PDE5A: variants seen among roughly 807,000 people sequenced by gnomAD.
PDE5A encodes phosphodiesterase 5A.
A neutral mutation model predicts 110.2 loss-of-function variants in PDE5A; 67 were observed. The ratio of observed to expected loss-of-function variants is 0.61; its 90% CI spans 0.50 to 0.75. PDE5A has a LOEUF of 0.75. Ranked by LOEUF, PDE5A falls within the 30% of genes least tolerant of loss-of-function variation. The pLI is 0.00. For missense variants in PDE5A, 862 were observed against 1,045.1 expected, an observed-to-expected ratio of 0.82 and a Z score of 2.42; for synonymous variants, 328 against 351.2, an observed-to-expected ratio of 0.93 and a Z score of 0.74.
At chr4:119,581,718 C>T (rs1031747610) in intron 3 of PDE5A, among the ~76,000 whole-genome samples, 7 of 152,114 alleles carry the variant, frequency 4.6e-5, no homozygotes, top group Non-Finnish European at 8.8e-5. Flanking sequence ...TGTAGGCATG[C>T]CTCAGAGATA....
chr4:119,520,477 T>C (rs1036756780), intron 13 of PDE5A, among the ~76,000 whole-genome samples: 1 of 152,054 alleles, frequency 6.6e-6, no homozygotes, highest in African/African-American at 2.4e-5. Context: ...AAACAGTACT[T>C]ACAAAATTTA....
intron 3 of PDE5A, among the ~76,000 whole-genome samples, chr4:119,575,964 T>C (rs1728324707): frequency 6.6e-6 from 1 of 152,096 alleles, no homozygotes; most frequent in South Asian, 2.1e-4. Context: ...GAGACATACA[T>C]AGGCTCAAAA....
rs1415238747 is a variant in PDE5A at position 119,496,868 on chromosome 4, A to G, written c.*1733T>C. ...AATACAAGTATACAATACATATAGC[A>G]TTAAACAGTTGGTAACTTCCTAGAT... is the stretch of plus-strand genomic sequence containing the variant. On this transcript the variant is annotated 3_prime_UTR_variant, in exon 21 of 21. Transcript: ENST00000354960. The G allele has an allele frequency of 1.3e-5, 2 of 152,582 alleles. No individual in the cohort carries two copies. Among genetic ancestry groups the G allele is most frequent in the African/African-American group, 4.8e-5 (2 of 41,464 alleles). 9.5% of individuals were successfully genotyped at this position (152,582 alleles called of 1,614,324 possible). A position where few individuals can be genotyped will look rare whatever the true frequency, so the allele number is the denominator to read the frequency against.
chr4:119,524,716 T>C (rs974201577), intron 12 of PDE5A, among the ~76,000 whole-genome samples: 1 of 152,142 alleles, frequency 6.6e-6, no homozygotes, highest in Admixed American at 6.6e-5. Context: ...AGGAAATCTG[T>C]ACAAGGAGAC....
chr4:119,585,841 A>AT (rs201154418), intron 3 of PDE5A, among the ~76,000 whole-genome samples: 475 of 152,194 alleles, frequency 3.1e-3, no homozygotes, highest in African/African-American at 0.011. Context: ...CTCCTTGCTC[A>AT]TTTTTTCTCA....
At chr4:119,552,436 C>G (rs1294580719) in intron 9 of PDE5A, 114 bp downstream of exon 9, 6 of 426,162 alleles carry the variant, frequency 1.4e-5, no homozygotes, top group Admixed American at 4.5e-5. Flanking sequence ...TTCTATCATT[C>G]CAAATTTTAT....
intron 19 of PDE5A, among the ~76,000 whole-genome samples, chr4:119,501,955 C>T (rs779653455): frequency 6.6e-6 from 1 of 151,040 alleles, no homozygotes; most frequent in African/African-American, 2.4e-5. Flanking sequence ...TGATAAACAT[C>T]TATGATAGAT....
chr4:119,610,241 G>T (rs1351462272), intron 1 of PDE5A, among the ~76,000 whole-genome samples: 1 of 152,138 alleles, frequency 6.6e-6, no homozygotes, highest in Non-Finnish European at 1.5e-5. Context: ...CCCCAGAATT[G>T]CACTAATAGT....
At chr4:119,559,807 A>G (rs1727681823) in intron 7 of PDE5A, among the ~76,000 whole-genome samples, 1 of 152,188 alleles carries the variant, frequency 6.6e-6, no homozygotes, top group South Asian at 2.1e-4. Flanking sequence ...AAGGTCAGCA[A>G]TTCAATTATG....
chr4:119,625,041 C>T (rs1051130840), intron 1 of PDE5A, among the ~76,000 whole-genome samples: 2 of 147,220 alleles, frequency 1.4e-5, no homozygotes, highest in East Asian at 2.0e-4. Context: ...GATGGAGTCT[C>T]ACTCTGTTGC....
At chr4:119,572,758 G>C (rs1195577412) in intron 3 of PDE5A, among the ~76,000 whole-genome samples, 1 of 152,162 alleles carries the variant, frequency 6.6e-6, no homozygotes, top group East Asian at 1.9e-4. Flanking sequence ...GTTCTCAGAT[G>C]ATTACAAATG....
At chr4:119,568,146 T>A (rs193276029) in intron 3 of PDE5A, among the ~76,000 whole-genome samples, 230 of 152,202 alleles carry the variant, frequency 1.5e-3, no homozygotes, top group African/African-American at 5.4e-3. Context: ...CTCTCTCTTT[T>A]TTTTTTGCCC....
intron 11 of PDE5A, among the ~76,000 whole-genome samples, chr4:119,538,519 A>T (rs58452170): frequency 0.26 from 39,979 of 152,056 alleles, 5,386 homozygotes; most frequent in East Asian, 0.38. Flanking sequence ...AGAATTCAGG[A>T]ACTGACCTTA....
At position 119,525,720 on chromosome 4, in the gene PDE5A, A is replaced by T. The variant is rs767574070; in HGVS notation, c.1633-25T>A. 1.3e-6 allele frequency: 2 copies of T among 1,594,330 alleles called. No homozygotes were observed. Among genetic ancestry groups the T allele is most frequent in the Non-Finnish European group, 1.7e-6 (2 of 1,171,762 alleles). On this transcript the variant is annotated intron_variant, in intron 11 of 20. Transcript: ENST00000354960. This position sits in a 1 kb window ranked among gnomAD's most constrained non-coding sequence, Gnocchi z 4.3. The stretch of plus-strand genomic sequence containing the variant: ...CCTTGGGTAAGGAAAGAAGAAAAAA[A>T]AAAATGCTGTTAATTAAAGCAGCAG...
intron 1 of PDE5A, among the ~76,000 whole-genome samples, chr4:119,611,631 A>G (rs937608791): frequency 1.3e-5 from 2 of 152,206 alleles, no homozygotes; most frequent in African/African-American, 4.8e-5. Context: ...TGATTACTCT[A>G]TTTGTCTCAT....
intron 11 of PDE5A, among the ~76,000 whole-genome samples, chr4:119,533,945 AAAG>A (rs1412819189): frequency 2.6e-5 from 4 of 152,190 alleles, no homozygotes; most frequent in Non-Finnish European, 1.5e-5. Context: ...AGTAGTTAGT[AAAG>A]AAGAAGCTCA....
At chr4:119,507,102 A>G (rs1013496849) in intron 16 of PDE5A, among the ~76,000 whole-genome samples, 1 of 151,974 alleles carries the variant, frequency 6.6e-6, no homozygotes, top group Admixed American at 6.6e-5. Context: ...ACTCTAATGT[A>G]TACTCTTATT....
At chr4:119,623,037 CAA>C (rs376561963) in intron 1 of PDE5A, among the ~76,000 whole-genome samples, 22 of 129,808 alleles carry the variant, frequency 1.7e-4, no homozygotes, top group Admixed American at 2.3e-4. Flanking sequence ...ACTTACATTG[CAA>C]AAAAAAAAAA....
At chr4:119,540,894 T>A (rs751099675) in intron 10 of PDE5A, among the ~76,000 whole-genome samples, 1 of 152,142 alleles carries the variant, frequency 6.6e-6, no homozygotes, top group Non-Finnish European at 1.5e-5. Flanking sequence ...TGACTACACA[T>A]ATGACCTGAA....
Sources: allele counts gnomAD v4.1 joint callset (sites outside exome capture counted in the v4.1 genomes callset), GRCh38; gene constraint gnomAD v4.1.1; non-coding constraint Gnocchi (gnomAD v3.1); transcripts MANE v1.5; gene names NCBI Gene and HGNC (gene_info 2026-07-23, HGNC 2026-07-21).